EYA2: variants seen among roughly 807,000 people sequenced by gnomAD.
The protein encoded by EYA2 is EYA transcriptional coactivator and phosphatase 2, also known as protein phosphatase EYA2.
Under a neutral mutation model 69.2 loss-of-function variants are expected in EYA2, and 31 were observed. The ratio of observed to expected loss-of-function variants is 0.45; its 90% CI spans 0.34 to 0.60. The LOEUF (loss-of-function observed/expected upper bound fraction) is 0.60. Ranked by LOEUF, EYA2 falls within the 20% of genes least tolerant of loss-of-function variation. The pLI is 0.02. For synonymous variants in EYA2, 257 were observed against 279.4 expected (o/e 0.92, Z 0.80); for missense variants, 622 against 701.2 (o/e 0.89, Z 1.28).
chr20:46,907,598 G>A (rs1984423337), intron 1 of EYA2, among the ~76,000 whole-genome samples: 1 of 152,222 alleles, frequency 6.6e-6, no homozygotes, highest in African/African-American at 2.4e-5. Flanking sequence ...CAGCGCTTTG[G>A]GAAGCCAAGG....
At chr20:46,923,569 C>T (rs1985276954) in intron 1 of EYA2, among the ~76,000 whole-genome samples, 1 of 152,108 alleles carries the variant, frequency 6.6e-6, no homozygotes, top group Admixed American at 6.5e-5. Flanking sequence ...GGGTAATAAA[C>T]CGGAGATTCT....
intron 5 of EYA2, among the ~76,000 whole-genome samples, chr20:47,069,485 G>T (rs2031233605): frequency 6.6e-6 from 1 of 152,016 alleles, no homozygotes; most frequent in African/African-American, 2.4e-5. Flanking sequence ...GCGAGATTCT[G>T]TTTTTTAAAA....
intron 5 of EYA2, among the ~76,000 whole-genome samples, chr20:47,060,746 G>A (rs1179354076): frequency 6.6e-6 from 1 of 152,066 alleles, no homozygotes; most frequent in Non-Finnish European, 1.5e-5. Context: ...CCTCACTGGT[G>A]TTGCTTGCTA....
chr20:47,148,058 C>CAAAAAAAAAAAAAAA (rs1264883844), intron 10 of EYA2, among the ~76,000 whole-genome samples: 1 of 82,838 alleles, frequency 1.2e-5, no homozygotes, highest in African/African-American at 4.9e-5. Flanking sequence ...GACTCTGTCT[C>CAAAAAAAAAAAAAAA]AAAAAAAAAA....
At chr20:47,002,285 G>A (rs1479833352) in intron 3 of EYA2, among the ~76,000 whole-genome samples, 1 of 152,018 alleles carries the variant, frequency 6.6e-6, no homozygotes, top group Non-Finnish European at 1.5e-5. Flanking sequence ...GTGGTTTGCT[G>A]CACCTGTCAA....
At chr20:47,151,137 G>A (rs189955336) in intron 10 of EYA2, among the ~76,000 whole-genome samples, 46 of 152,090 alleles carry the variant, frequency 3.0e-4, no homozygotes, top group Non-Finnish European at 5.0e-4. Context: ...TTGGAAGGTC[G>A]AAGCAGGTGT....
intron 13 of EYA2, 95 bp downstream of exon 13, chr20:47,180,007 C>T (rs2034507508): frequency 4.8e-6 from 4 of 828,150 alleles, no homozygotes; most frequent in South Asian, 2.9e-5. Context: ...GAATTGGACT[C>T]CTCAAACTCT....
At chr20:46,925,592 G>T (rs530154916) in intron 1 of EYA2, among the ~76,000 whole-genome samples, 2 of 152,118 alleles carry the variant, frequency 1.3e-5, no homozygotes, top group African/African-American at 2.4e-5. Context: ...AAATATGTTC[G>T]ATCTCACTTA....
At chr20:47,129,090 C>T (rs1434943786) in intron 9 of EYA2, among the ~76,000 whole-genome samples, 1 of 152,202 alleles carries the variant, frequency 6.6e-6, no homozygotes, top group Non-Finnish European at 1.5e-5. Context: ...TGCCACTGCA[C>T]TCCAGCCTGG....
intron 1 of EYA2, among the ~76,000 whole-genome samples, chr20:46,934,423 A>G (rs1422781279): frequency 1.3e-5 from 2 of 151,992 alleles, no homozygotes; most frequent in African/African-American, 4.8e-5. Flanking sequence ...TGGCAGCAGA[A>G]AGAGGGCTCC....
chr20:46,899,313 C>G (rs960347474), intron 1 of EYA2, among the ~76,000 whole-genome samples: 1 of 152,152 alleles, frequency 6.6e-6, no homozygotes, highest in Non-Finnish European at 1.5e-5. Flanking sequence ...TGAACCTGCC[C>G]TGACGTTTTT....
At chr20:46,897,938 G>A (rs963220696) in intron 1 of EYA2, among the ~76,000 whole-genome samples, 2 of 152,290 alleles carry the variant, frequency 1.3e-5, no homozygotes, top group African/African-American at 4.8e-5. Flanking sequence ...TGCTGTGTGT[G>A]TGTGTGCAAA....
intron 4 of EYA2, among the ~76,000 whole-genome samples, chr20:47,008,214 C>T (rs1196696992): frequency 1.3e-5 from 2 of 152,180 alleles, no homozygotes; most frequent in East Asian, 3.9e-4. Context: ...CTTTAATCCC[C>T]ACCTCAACCC....
In EYA2 at chr20:47,143,146, G is replaced by A; in HGVS notation, c.976G>A (p.Glu326Lys). The A allele has an allele frequency of 6.2e-7, 1 of 1,610,298 alleles. No homozygotes were observed. The highest frequency in any genetic ancestry group is 8.5e-7 in the Non-Finnish European group (1 of 1,178,300). ...TACACATCTGTTCTTCAATGACCTG[G>A]AGGTTTGTGGTTGCTGATTTCATTT... ...ADTHLFFNDL[E>K]DCDQIHVDDV... The change falls in exon 10 of 16, where the codon GAG (glutamate) becomes AAG (lysine). Residue 326 changes from glutamate (E) to lysine (K), a missense_variant and splice_region_variant. Glu to Lys is a moderately conservative substitution (Grantham distance 56). Transcript: ENST00000327619.
At chr20:47,038,617 G>T (rs1286557720) in intron 5 of EYA2, among the ~76,000 whole-genome samples, 1 of 152,170 alleles carries the variant, frequency 6.6e-6, no homozygotes, top group Admixed American at 6.5e-5. Context: ...CATACACAAT[G>T]TTCATTGTGA....
chr20:47,096,791 T>A (rs2032259442), intron 8 of EYA2, among the ~76,000 whole-genome samples: 1 of 152,194 alleles, frequency 6.6e-6, no homozygotes, highest in Non-Finnish European at 1.5e-5. Flanking sequence ...TGATTTTCGT[T>A]GTTGATTTTG....
chr20:46,942,966 A>G (rs1986217481), intron 1 of EYA2, among the ~76,000 whole-genome samples: 2 of 152,262 alleles, frequency 1.3e-5, no homozygotes, highest in Non-Finnish European at 2.9e-5. Flanking sequence ...GAGTTTCACC[A>G]TGTTGGCCAG....
At chr20:47,065,161 C>G (rs992890178) in intron 5 of EYA2, among the ~76,000 whole-genome samples, 4 of 152,146 alleles carry the variant, frequency 2.6e-5, no homozygotes, top group Admixed American at 6.5e-5. Flanking sequence ...CCCACCAGGT[C>G]CCTCCCATGA....
chr20:47,074,736 A>G (rs1026387873), intron 7 of EYA2, among the ~76,000 whole-genome samples: 2 of 152,184 alleles, frequency 1.3e-5, no homozygotes, highest in Admixed American at 6.5e-5. Flanking sequence ...GACACACCCA[A>G]TTCCACATCT....
Sources: allele counts gnomAD v4.1 joint callset (sites outside exome capture counted in the v4.1 genomes callset), GRCh38; gene constraint gnomAD v4.1.1; transcripts MANE v1.5; gene names NCBI Gene and HGNC (gene_info 2026-07-23, HGNC 2026-07-21).